Variants in HLF observed in about 807,000 individuals in gnomAD.
HLF encodes the protein hepatic leukemia factor.
In HLF, 3 loss-of-function variants were observed where a neutral mutation model predicts 22.6. The observed-to-expected ratio is 0.13, with a 90% CI of 0.06 to 0.34. The LOEUF (loss-of-function observed/expected upper bound fraction) is 0.34, where lower values mean the gene tolerates loss of function less well. HLF is among the 10% of genes least tolerant of loss of function. HLF has a pLI of 1.00. For synonymous variants in HLF, 151 were observed against 151.8 expected, an observed-to-expected ratio of 0.99 and a Z score of 0.04; for missense variants, 299 against 389.2, an observed-to-expected ratio of 0.77 and a Z score of 1.95.
intron 2 of HLF, among the ~76,000 whole-genome samples, chr17:55,301,191 C>A (rs528499587): frequency 1.7e-4 from 26 of 152,364 alleles, no homozygotes; most frequent in African/African-American, 6.3e-4. Context: ...ACTCCCTGGG[C>A]AAAGCCCTTT....
chr17:55,324,282 G>A lies in HLF; in HGVS notation c.*3403G>A, dbSNP rs1215703609. 2 of 227,016 alleles carry A rather than the reference G, an allele frequency of 8.8e-6. No homozygotes were observed. The highest frequency in any genetic ancestry group is 1.8e-5 in the Non-Finnish European group (2 of 114,164). 14.1% of individuals were successfully genotyped at this position (227,016 alleles called of 1,614,324 possible). On this transcript the variant is annotated 3_prime_UTR_variant, in exon 4 of 4. Coordinates refer to ENST00000226067, the MANE Select transcript of HLF (RefSeq NM_002126.5). ...ACCCAGAGGTTCCTTCTAACCCACT[G>A]GTTTGGTGGGGAACTCACAGTAATT...
At position 55,265,583 on chromosome 17, in the gene HLF, C is replaced by T. The variant is rs774531917; in HGVS notation, c.99C>T (p.Pro33=). 2 of 1,599,614 alleles carry T rather than the reference C, an allele frequency of 1.3e-6. No homozygotes were observed. The highest frequency in any genetic ancestry group is 1.7e-6 in the Non-Finnish European group (2 of 1,172,972). Reference sequence around the variant, plus strand: ...TGCTGGAGAACCCGCTGAAGCTCCCCCTTCACCACGAAGACGGTGAGCGCT... The same window carrying T: ...TGCTGGAGAACCCGCTGAAGCTCCCTCTTCACCACGAAGACGGTGAGCGCT... ...RSLLENPLKL[P]LHHEDAFSKD... The change falls in exon 1 of 4, where the codon CCC becomes CCT. Residue 33 remains proline (P), a synonymous_variant. Coordinates refer to ENST00000226067, the MANE Select transcript of HLF (RefSeq NM_002126.5).
At chr17:55,267,668 C>A in intron 1 of HLF, 83 bp from the exon 2 acceptor site, 1 of 955,708 alleles carries the variant, frequency 1.0e-6, no homozygotes, top group Non-Finnish European at 1.5e-6. Flanking sequence ...AGTCTTATAA[C>A]AGGCCAGGAA....
intron 2 of HLF, 54 bp from the exon 3 acceptor site, chr17:55,315,173 G>A: frequency 7.4e-7 from 1 of 1,345,664 alleles, no homozygotes; most frequent in East Asian, 2.3e-5. Flanking sequence ...TTAAGTAGCT[G>A]CCTACTGGGT....
intron 2 of HLF, among the ~76,000 whole-genome samples, chr17:55,296,842 T>G (rs1194859507): frequency 1.3e-5 from 2 of 152,312 alleles, no homozygotes; most frequent in Non-Finnish European, 2.9e-5. Context: ...AAAAAATTTT[T>G]TTTTTTTTTT....
chr17:55,299,847 G>A (rs1017553202), intron 2 of HLF, among the ~76,000 whole-genome samples: 5 of 151,458 alleles, frequency 3.3e-5, no homozygotes, highest in African/African-American at 9.7e-5. Context: ...CTTCTTCTTT[G>A]TTAAGAGACA....
At chr17:55,266,405 C>T (rs1280056152) in intron 1 of HLF, 1 of 152,256 alleles carries the variant, frequency 6.6e-6, no homozygotes, top group African/African-American at 2.4e-5. Flanking sequence ...TAAGTGATGC[C>T]ACGGATTTGG....
chr17:55,266,758 C>T, intron 1 of HLF: 1 of 938,308 alleles, frequency 1.1e-6, no homozygotes, highest in Non-Finnish European at 1.3e-6. Context: ...AACTCAGAAG[C>T]AAATTCCTTA....
intron 2 of HLF, among the ~76,000 whole-genome samples, chr17:55,285,453 C>G (rs2080995537): frequency 6.6e-6 from 1 of 152,236 alleles, no homozygotes; most frequent in African/African-American, 2.4e-5. Flanking sequence ...TGTGTTCTCA[C>G]TTGCATTTGC....
intron 2 of HLF, among the ~76,000 whole-genome samples, chr17:55,274,249 A>G (rs4147524): frequency 0.85 from 128,651 of 152,100 alleles, 54,766 homozygotes; most frequent in East Asian, 0.96. Flanking sequence ...CCCAGGAATC[A>G]TTTTTTATGT....
Position 55,320,358 on chromosome 17 carries a change from T to C in HLF, c.673-306T>C, listed in dbSNP as rs1014684327. ...GAGAGTAAAGAAAGTTGAAATGTAA[T>C]TTAAGGGTGAGGTGAGCCACCTGCT... On this transcript the variant is annotated intron_variant, in intron 3 of 3. Coordinates refer to ENST00000226067, the MANE Select transcript of HLF (RefSeq NM_002126.5). The surrounding 1 kb of genome is among the most constrained non-coding windows in gnomAD (Gnocchi z 4.2). 1.3e-5 allele frequency among the ~76,000 whole-genome samples: 2 copies of C among 152,206 alleles called. No homozygotes were observed. The highest frequency in any genetic ancestry group is 2.4e-5 in the African/African-American group (1 of 41,454).
rs115980645 is a variant in HLF, at chr17:55,320,149, A to G, written c.673-515A>G. The stretch of plus-strand genomic sequence containing the variant: ...GTGAACAGTTTATGCTTGTGTGTAC[A>G]TGCACATGTATGGAGATTGCTACAG... On this transcript the variant is annotated intron_variant, in intron 3 of 3. Transcript: ENST00000226067. This position sits in a 1 kb window ranked among gnomAD's most constrained non-coding sequence, Gnocchi z 4.2. 8.0e-3 allele frequency among the ~76,000 whole-genome samples: 1,212 copies of G among 152,320 alleles called. 21 individuals carry two copies. Among genetic ancestry groups the G allele is most frequent in the African/African-American group, 0.028 (1,145 of 41,570 alleles).
chr17:55,324,613 T>G lies in HLF; in HGVS notation c.*3734T>G, dbSNP rs1043201158. ...CACCCTGCAGGTGTCTGAGACTAAG[T>G]GATCTGCCCTCCAGGTGGCGATCAC... On this transcript the variant is annotated 3_prime_UTR_variant, in exon 4 of 4. Coordinates refer to ENST00000226067, the MANE Select transcript of HLF (RefSeq NM_002126.5). 3.4e-5 allele frequency: 8 copies of G among 232,556 alleles called. No individual in the cohort carries two copies. The highest frequency in any genetic ancestry group is 5.9e-5 in the Non-Finnish European group (7 of 117,678). The allele number at this position is 232,556 out of a possible 1,614,324, so 14.4% of individuals were successfully genotyped here. A position where few individuals can be genotyped will look rare whatever the true frequency, so the allele number is the denominator to read the frequency against.
chr17:55,309,938 G>C (rs996950022), intron 2 of HLF, among the ~76,000 whole-genome samples: 7 of 152,220 alleles, frequency 4.6e-5, no homozygotes, highest in Non-Finnish European at 8.8e-5. Flanking sequence ...TAAAGACAGA[G>C]TGCTGCTGTT....
chr17:55,293,633 T>A (rs1487033562), intron 2 of HLF, among the ~76,000 whole-genome samples: 1 of 152,186 alleles, frequency 6.6e-6, no homozygotes, highest in East Asian at 1.9e-4. Context: ...TTATTGTCGT[T>A]TTACAGATGA....
chr17:55,293,263 A>G (rs2081082195), intron 2 of HLF, among the ~76,000 whole-genome samples: 1 of 151,974 alleles, frequency 6.6e-6, no homozygotes, highest in African/African-American at 2.4e-5. Flanking sequence ...TTTAATTAAG[A>G]TTTGAGGTGC....
At chr17:55,273,119 GGTGGTTA>G (rs1236238656) in intron 2 of HLF, 1 of 152,252 alleles carries the variant, frequency 6.6e-6, no homozygotes, top group African/African-American at 2.4e-5. Flanking sequence ...AAGGCAACTT[GGTGGTTA>G]GGATTGTAGG....
At chr17:55,289,213 C>T (rs1255664019) in intron 2 of HLF, among the ~76,000 whole-genome samples, 2 of 152,134 alleles carry the variant, frequency 1.3e-5, no homozygotes, top group East Asian at 1.9e-4. Context: ...CAGACTTGGC[C>T]TTGCTAAAGG....
At chr17:55,277,301 G>T (rs1344075151) in intron 2 of HLF, among the ~76,000 whole-genome samples, 1 of 141,456 alleles carries the variant, frequency 7.1e-6, no homozygotes, top group African/African-American at 2.6e-5. Context: ...GTGGGCATGC[G>T]TGCATTTGGG....
Sources: gnomAD v4.1 joint callset for allele counts (sites outside exome capture counted in the v4.1 genomes callset) on GRCh38, gnomAD v4.1.1 for gene constraint, Gnocchi (gnomAD v3.1) non-coding constraint, MANE v1.5 for transcripts, NCBI Gene and HGNC (gene_info 2026-07-23, HGNC 2026-07-21) for gene names.